FAM185A: variants seen among roughly 807,000 people sequenced by gnomAD.
FAM185A encodes family with sequence similarity 185 member A, also known as protein FAM185A.
In FAM185A, 21 loss-of-function variants were observed where a neutral mutation model predicts 45.7. The observed-to-expected ratio is 0.46, with a 90% confidence interval of 0.33 to 0.66. The LOEUF (loss-of-function observed/expected upper bound fraction) is 0.66, where lower values mean the gene tolerates loss of function less well. FAM185A is among the 30% of genes least tolerant of loss of function. The probability of loss-of-function intolerance (pLI) is 0.03; values close to 1 mark genes in which losing one functional copy is unlikely to be tolerated. For missense variants in FAM185A, 305 were observed against 485.4 expected (o/e 0.63, Z 3.49); for synonymous variants, 117 against 194.0 (o/e 0.60, Z 3.30).
At chr7:102,756,238 G>A (rs1793726103) in intron 2 of FAM185A, among the ~76,000 whole-genome samples, 1 of 151,942 alleles carries the variant, frequency 6.6e-6, no homozygotes, top group South Asian at 2.1e-4. Context: ...ATCTCTTTAT[G>A]TAACAAAACT....
chr7:102,761,416 G>A lies in FAM185A; in HGVS notation c.793+5G>A. 4.6e-6 allele frequency: 7 copies of A among 1,505,922 alleles called. No individual in the cohort carries two copies. The highest frequency in any genetic ancestry group is 6.2e-6 in the Non-Finnish European group (7 of 1,128,454). 93.3% of individuals were successfully genotyped at this position (1,505,922 alleles called of 1,614,324 possible). A position where few individuals can be genotyped will look rare whatever the true frequency, so the allele number is the denominator to read the frequency against. ...TTACATTAGGAAGTGTTCATGGTAAGCTGACAAAGGCATAATACATCTGAG... is the reference window on the plus strand; with the variant it reads ...TTACATTAGGAAGTGTTCATGGTAAACTGACAAAGGCATAATACATCTGAG... On this transcript the variant is annotated splice_donor_5th_base_variant and intron_variant, in intron 4 of 7. Coordinates refer to ENST00000413034, the MANE Select transcript of FAM185A (RefSeq NM_001145268.2).
At chr7:102,766,284 A>G (rs1474301325) in intron 4 of FAM185A, among the ~76,000 whole-genome samples, 1 of 152,282 alleles carries the variant, frequency 6.6e-6, no homozygotes, top group Non-Finnish European at 1.5e-5. Flanking sequence ...TTCCTATGTA[A>G]ATTAGGCTCT....
intron 1 of FAM185A, among the ~76,000 whole-genome samples, chr7:102,750,427 A>G (rs1793293388): frequency 6.6e-6 from 1 of 152,198 alleles, no homozygotes; most frequent in Non-Finnish European, 1.5e-5. Flanking sequence ...CCCAAATAGT[A>G]GATGCCGTAG....
the FAM185A span, among the ~76,000 whole-genome samples, chr7:102,815,478 G>A: frequency 7.9e-5 from 12 of 152,078 alleles, no homozygotes; most frequent in African/African-American, 2.7e-4. Context: ...TCTAGAAGGG[G>A]CATTCTTATG....
intron 5 of FAM185A, among the ~76,000 whole-genome samples, chr7:102,773,637 C>A (rs1794885721): frequency 6.6e-6 from 1 of 152,112 alleles, no homozygotes; most frequent in African/African-American, 2.4e-5. Flanking sequence ...AACTACCAGA[C>A]CTTTTCCCAA....
chr7:102,835,324 G>A, the FAM185A span, among the ~76,000 whole-genome samples: 2 of 152,126 alleles, frequency 1.3e-5, no homozygotes, highest in African/African-American at 4.8e-5. Context: ...CAAGCATAGT[G>A]GGGCACACCC....
At chr7:102,802,660 C>T (rs1796864509) in intron 7 of FAM185A, among the ~76,000 whole-genome samples, 1 of 151,898 alleles carries the variant, frequency 6.6e-6, no homozygotes, top group Admixed American at 6.6e-5. Context: ...AAGAACAAAC[C>T]AAACCCAAAC....
chr7:102,811,678 C>T (rs1352872349), downstream of FAM185A, among the ~76,000 whole-genome samples: 5 of 152,180 alleles, frequency 3.3e-5, no homozygotes, highest in Admixed American at 6.5e-5. Flanking sequence ...ATAAGTTCCA[C>T]CAGTTGTGTG....
At chr7:102,753,077 AT>A (rs1257750201) in intron 2 of FAM185A, among the ~76,000 whole-genome samples, 1 of 152,226 alleles carries the variant, frequency 6.6e-6, no homozygotes, top group African/African-American at 2.4e-5. Flanking sequence ...ATCATAAAAG[AT>A]TAACATTACC....
the FAM185A span, among the ~76,000 whole-genome samples, chr7:102,836,573 G>T: frequency 5.4e-4 from 82 of 152,276 alleles, no homozygotes; most frequent in African/African-American, 1.9e-3. Context: ...TTACAGTAAA[G>T]ACAGAGATAA....
At chr7:102,828,434 T>TA in the FAM185A span, among the ~76,000 whole-genome samples, 1 of 152,190 alleles carries the variant, frequency 6.6e-6, no homozygotes, top group Non-Finnish European at 1.5e-5. Flanking sequence ...CTGAAAGAAT[T>TA]TCCAAACATG....
chr7:102,820,345 G>A, the FAM185A span, among the ~76,000 whole-genome samples: 3 of 152,298 alleles, frequency 2.0e-5, no homozygotes, highest in East Asian at 3.9e-4. Context: ...ATAGGCCTTC[G>A]GCTGTCATGG....
intron 7 of FAM185A, among the ~76,000 whole-genome samples, chr7:102,804,774 A>T (rs1797010262): frequency 6.6e-6 from 1 of 152,222 alleles, no homozygotes; most frequent in Non-Finnish European, 1.5e-5. Flanking sequence ...AAATCTTCAC[A>T]ATCTATACAT....
At chr7:102,817,916 T>G in the FAM185A span, among the ~76,000 whole-genome samples, 3 of 152,216 alleles carry the variant, frequency 2.0e-5, no homozygotes, top group Admixed American at 1.3e-4. Flanking sequence ...GGTGAGAGGT[T>G]TCTTTGGATC....
chr7:102,785,941 G>A (rs150125500), intron 6 of FAM185A, among the ~76,000 whole-genome samples: 2 of 152,092 alleles, frequency 1.3e-5, no homozygotes, highest in Admixed American at 1.3e-4. Flanking sequence ...TCTGACAAAG[G>A]GCTCATATCC....
chr7:102,811,330 G>A (rs533150088), downstream of FAM185A, among the ~76,000 whole-genome samples: 27 of 152,264 alleles, frequency 1.8e-4, no homozygotes, highest in Middle Eastern at 3.4e-3. Flanking sequence ...TATGAAATAC[G>A]TAAGGGCTAA....
At chr7:102,758,942 AT>A (rs1793945133) in intron 3 of FAM185A, among the ~76,000 whole-genome samples, 1 of 152,088 alleles carries the variant, frequency 6.6e-6, no homozygotes, top group African/African-American at 2.4e-5. Flanking sequence ...AAGGTAGGTT[AT>A]AACAGTAATT....
intron 7 of FAM185A, among the ~76,000 whole-genome samples, chr7:102,807,117 T>C (rs1479882759): frequency 6.6e-6 from 1 of 152,034 alleles, no homozygotes; most frequent in East Asian, 1.9e-4. Context: ...ATTTATACCA[T>C]TTATATAAGA....
At chr7:102,813,600 C>T (rs1797600342), downstream of FAM185A, 1 of 1,515,862 alleles carries the variant, frequency 6.6e-7, no homozygotes, top group Non-Finnish European at 9.0e-7. Flanking sequence ...TCAAACTCAA[C>T]CAAATTTGGA....
Sources: gnomAD v4.1 joint callset for allele counts (sites outside exome capture counted in the v4.1 genomes callset) on GRCh38, gnomAD v4.1.1 for gene constraint, MANE v1.5 for transcripts, NCBI Gene and HGNC (gene_info 2026-07-23, HGNC 2026-07-21) for gene names.